TBC1D4: variants seen among roughly 807,000 people sequenced by gnomAD.
TBC1D4 encodes the protein TBC (Tre-2, BUB2, CDC16) domain-containing protein.
A neutral mutation model predicts 142.5 loss-of-function variants in TBC1D4; 121 were observed. The observed-to-expected ratio is 0.85, with a 90% confidence interval of 0.73 to 0.99. The LOEUF is 0.99. Ranked by LOEUF, TBC1D4 falls within the 50% of genes least tolerant of loss-of-function variation. The probability of loss-of-function intolerance (pLI) is 0.00; values close to 1 mark genes in which losing one functional copy is unlikely to be tolerated. For synonymous variants in TBC1D4, 630 were observed against 628.2 expected, an observed-to-expected ratio of 1.00 and a Z score of -0.04; for missense variants, 1,475 against 1,606.6, an observed-to-expected ratio of 0.92 and a Z score of 1.40.
intron 1 of TBC1D4, among the ~76,000 whole-genome samples, chr13:75,410,935 CAAAAAAAAAAAAAAAAAA>C (rs60172018): frequency 3.2e-5 from 2 of 63,210 alleles, no homozygotes; most frequent in African/African-American, 1.3e-4. Flanking sequence ...GACTCCGTCT[CAAAAAAAAAAAAAAAAAA>C]AAAAAAAAAA....
At chr13:75,309,768 T>C (rs1877550162) in intron 14 of TBC1D4, among the ~76,000 whole-genome samples, 174 bp downstream of exon 14, 1 of 152,196 alleles carries the variant, frequency 6.6e-6, no homozygotes, top group South Asian at 2.1e-4. Flanking sequence ...CTTTCCCATG[T>C]TATAACCACC....
chr13:75,382,570 A>C (rs996349318), intron 1 of TBC1D4, among the ~76,000 whole-genome samples: 1 of 152,236 alleles, frequency 6.6e-6, no homozygotes, highest in African/African-American at 2.4e-5. Flanking sequence ...TTTAATATAC[A>C]TTAAAATTTT....
chr13:75,392,981 C>A (rs9600462), intron 1 of TBC1D4, among the ~76,000 whole-genome samples: 1 of 151,982 alleles, frequency 6.6e-6, no homozygotes, highest in Non-Finnish European at 1.5e-5. Context: ...TTTTGCTGAG[C>A]CCTTAATCCA....
At position 75,399,428 on chromosome 13, in the gene TBC1D4, A is replaced by G. The variant is rs17064366; in HGVS notation, c.499-36821T>C. On this transcript the variant is annotated intron_variant, in intron 1 of 20. Coordinates refer to ENST00000377636, the MANE Select transcript of TBC1D4 (RefSeq NM_014832.5). ...GAACAGGGGTGTCTACTGGGCTTATATCATCCCCATATTCCTGTTTTATAT... is the reference window on the plus strand; with the variant it reads ...GAACAGGGGTGTCTACTGGGCTTATGTCATCCCCATATTCCTGTTTTATAT... Among the ~76,000 whole-genome samples, 620 of 152,200 alleles carry G rather than the reference A, an allele frequency of 4.1e-3. 4 individuals carry two copies. The highest frequency in any genetic ancestry group is 0.014 in the African/African-American group (585 of 41,526).
At chr13:75,389,704 G>T (rs965569141) in intron 1 of TBC1D4, among the ~76,000 whole-genome samples, 33 of 152,204 alleles carry the variant, frequency 2.2e-4, no homozygotes, top group Middle Eastern at 3.4e-3. Context: ...TTAGTCATAT[G>T]AATTATTACA....
At chr13:75,406,334 C>G (rs1408928) in intron 1 of TBC1D4, among the ~76,000 whole-genome samples, 98,144 of 152,206 alleles carry the variant, frequency 0.64, 37,358 homozygotes, top group East Asian at 0.97. Flanking sequence ...TGGGCATCAC[C>G]CAGATTTGAA....
At chr13:75,414,881 T>C (rs372191662) in intron 1 of TBC1D4, among the ~76,000 whole-genome samples, 5 of 152,084 alleles carry the variant, frequency 3.3e-5, no homozygotes, top group African/African-American at 1.2e-4. Flanking sequence ...CCCAGCACTT[T>C]AGGAGGCTGA....
chr13:75,428,970 G>GT (rs1464428892), intron 1 of TBC1D4, among the ~76,000 whole-genome samples: 1 of 152,168 alleles, frequency 6.6e-6, no homozygotes, highest in Admixed American at 6.5e-5. Context: ...ATCCTAAGAG[G>GT]TAAGAGTGAA....
chr13:75,434,777 G>A (rs1484737382), intron 1 of TBC1D4, among the ~76,000 whole-genome samples: 1 of 151,712 alleles, frequency 6.6e-6, no homozygotes, highest in African/African-American at 2.4e-5. Flanking sequence ...AAACAAAAAA[G>A]TTCTGAGAGT....
intron 1 of TBC1D4, among the ~76,000 whole-genome samples, chr13:75,368,627 T>C (rs1261675558): frequency 6.6e-6 from 1 of 152,232 alleles, no homozygotes; most frequent in Admixed American, 6.5e-5. Flanking sequence ...GAATTCCTTC[T>C]GTAAAAGGTA....
Position 75,306,466 on chromosome 13 carries a change from T to C in TBC1D4, c.2599A>G (p.Arg867Gly), listed in dbSNP as rs779935663. The C allele has an allele frequency of 6.8e-6, 11 of 1,613,138 alleles. No homozygotes were observed. The highest frequency in any genetic ancestry group is 9.3e-6 in the Non-Finnish European group (11 of 1,179,842). ...EKENQKLEASRDELQSRKVKL... is the reference protein window; with the variant it reads ...EKENQKLEASGDELQSRKVKL... ...ACTTTTCTGGACTGGAGTTCATCTCTGCTTGCTAAGGAAAAAAACAATTTA... is the reference window on the plus strand; with the variant it reads ...ACTTTTCTGGACTGGAGTTCATCTCCGCTTGCTAAGGAAAAAAACAATTTA... Residue 867 changes from arginine to glycine, a missense_variant, in exon 15 of 21, where the codon AGA becomes GGA. This residue lies in a region of TBC1D4 where 1,227 missense variants were observed against 1,267.7 expected (regional missense o/e 0.97). Coordinates refer to ENST00000377636, the MANE Select transcript of TBC1D4 (RefSeq NM_014832.5).
At chr13:75,460,884 T>C (rs1887938841) in intron 1 of TBC1D4, among the ~76,000 whole-genome samples, 1 of 151,986 alleles carries the variant, frequency 6.6e-6, no homozygotes, top group Non-Finnish European at 1.5e-5. Context: ...CTTCACGCCA[T>C]TGCACTCCAG....
At chr13:75,449,618 C>T (rs77844784) in intron 1 of TBC1D4, among the ~76,000 whole-genome samples, 3,625 of 149,270 alleles carry the variant, frequency 0.024, 165 homozygotes, top group African/African-American at 0.085. Flanking sequence ...TGGAGTCTTG[C>T]TCTGTTGCCT....
intron 1 of TBC1D4, among the ~76,000 whole-genome samples, chr13:75,461,084 A>G (rs1887946685): frequency 6.6e-6 from 1 of 152,242 alleles, no homozygotes; most frequent in African/African-American, 2.4e-5. Flanking sequence ...TAGCCAATGT[A>G]GTTTTTCATT....
intron 1 of TBC1D4, among the ~76,000 whole-genome samples, chr13:75,447,854 T>C (rs985117168): frequency 6.6e-6 from 1 of 152,094 alleles, no homozygotes; most frequent in Admixed American, 6.6e-5. Context: ...AATCTAATGC[T>C]TGATGATCTG....
intron 1 of TBC1D4, among the ~76,000 whole-genome samples, chr13:75,439,104 T>C (rs1191272100): frequency 1.3e-5 from 2 of 152,182 alleles, no homozygotes; most frequent in African/African-American, 4.8e-5. Context: ...GTGTTTGCCA[T>C]AGACAAAATC....
chr13:75,480,773 C>T (rs1035835190), intron 1 of TBC1D4, among the ~76,000 whole-genome samples: 13 of 152,342 alleles, frequency 8.5e-5, no homozygotes, highest in African/African-American at 2.4e-4. Context: ...GAAGATGACG[C>T]GACCAGCCAA....
intron 1 of TBC1D4, among the ~76,000 whole-genome samples, chr13:75,440,417 T>C (rs1033721635): frequency 1.3e-5 from 2 of 151,842 alleles, no homozygotes; most frequent in Non-Finnish European, 2.9e-5. Flanking sequence ...ATTGACACAG[T>C]TAAATTTTAG....
chr13:75,313,000 C>T, intron 12 of TBC1D4, 102 bp from the exon 13 acceptor site: 1 of 1,307,458 alleles, frequency 7.6e-7, no homozygotes, highest in Non-Finnish European at 1.1e-6. Flanking sequence ...CTGTCACGGG[C>T]AAGCACAAGC....
Sources: gnomAD v4.1 joint callset for allele counts (sites outside exome capture counted in the v4.1 genomes callset) on GRCh38, gnomAD v4.1.1 for gene constraint, gnomAD v4.1.1 regional missense constraint, MANE v1.5 for transcripts, NCBI Gene and HGNC (gene_info 2026-07-23, HGNC 2026-07-21) for gene names.